Variants in SEMA5B observed in about 807,000 individuals in gnomAD.
SEMA5B encodes semaphorin 5B.
SEMA5B carries 66 observed loss-of-function variants against 135.0 expected under a neutral mutation model. That is an observed-to-expected ratio of 0.49 (90% CI 0.40 to 0.60). The LOEUF is 0.60. Ranked by LOEUF, SEMA5B falls within the 20% of genes least tolerant of loss-of-function variation. SEMA5B has a pLI of 0.00. For missense variants in SEMA5B, 1,501 were observed against 1,566.3 expected, an observed-to-expected ratio of 0.96 and a Z score of 0.70; for synonymous variants, 690 against 639.5, an observed-to-expected ratio of 1.08 and a Z score of -1.19.
At chr3:122,973,947 C>A (rs994971402) in intron 1 of SEMA5B, among the ~76,000 whole-genome samples, 1 of 152,254 alleles carries the variant, frequency 6.6e-6, no homozygotes, top group South Asian at 2.1e-4. Context: ...GATGCCTGAA[C>A]TTCCAGAACA....
chr3:122,986,913 A>G (rs559906361), intron 1 of SEMA5B, among the ~76,000 whole-genome samples: 33 of 152,270 alleles, frequency 2.2e-4, no homozygotes, highest in African/African-American at 7.7e-4. Context: ...CCCGGCCGTG[A>G]GCTAGCAGGC....
In SEMA5B at chr3:122,948,439, A is replaced by C. The variant is rs1186143997; in HGVS notation, c.328+67T>G. On this transcript the variant is annotated intron_variant, in intron 3 of 22. Transcript: ENST00000357599. ...TCCAACAGCCAGAAACATCCTGCCA[A>C]GGTCTGACCTAAGTCCTTCAGGACA... The C allele has an allele frequency of 2.2e-6, 3 of 1,379,348 alleles. No individual in the cohort carries two copies. In the Admixed American group the frequency reaches 6.2e-5, roughly 28 times the overall value. The allele number at this position is 1,379,348 out of a possible 1,614,324, so 85.4% of individuals were successfully genotyped here. A position where few individuals can be genotyped will look rare whatever the true frequency, so the allele number is the denominator to read the frequency against.
intron 4 of SEMA5B, among the ~76,000 whole-genome samples, chr3:122,940,804 C>T (rs543017774): frequency 6.6e-6 from 1 of 152,218 alleles, no homozygotes; most frequent in East Asian, 1.9e-4. Context: ...CTTCTCCAAC[C>T]CCCTCCCCAA....
rs1490981017 is a variant in SEMA5B at position 122,922,926 on chromosome 3, G to A, written c.1273-479C>T. On this transcript the variant is annotated intron_variant, in intron 10 of 22. Transcript: ENST00000357599. The stretch of plus-strand genomic sequence containing the variant: ...GGCATATGAACCTTCTCACATATCT[G>A]TGAGGTATTATCTCTTACAGTATTA... 9.2e-5 allele frequency among the ~76,000 whole-genome samples: 14 copies of A among 152,180 alleles called. 1 individual carries two copies. Among genetic ancestry groups the A allele is most frequent in the Admixed American group, 8.5e-4 (13 of 15,288 alleles).
chr3:123,006,733 C>T (rs575792957), intron 1 of SEMA5B, among the ~76,000 whole-genome samples: 13 of 152,222 alleles, frequency 8.5e-5, no homozygotes, highest in Admixed American at 2.6e-4. Flanking sequence ...TGTTGAGCAA[C>T]GGCCAGGCCT....
rs143089303 is a variant in SEMA5B at position 123,023,992 on chromosome 3, T to C, written c.-39+3472A>G. ...CTGTCTACTGCCAGGGTATAGGTGG[T>C]GGGGCACCAGAACTCAGCTCTGGGT... On this transcript the variant is annotated intron_variant, in intron 1 of 22. Coordinates refer to ENST00000357599, the MANE Select transcript of SEMA5B (RefSeq NM_001031702.4). Among the ~76,000 whole-genome samples the C allele has an allele frequency of 3.0e-4, 46 of 152,286 alleles. No homozygotes were observed. The East Asian group carries it at 5.8e-3, about 19-fold the overall frequency.
chr3:122,936,059 T>G (rs1336254370), intron 5 of SEMA5B, among the ~76,000 whole-genome samples: 2 of 152,174 alleles, frequency 1.3e-5, no homozygotes, highest in Admixed American at 1.3e-4. Flanking sequence ...TCATTCTCTC[T>G]GTTGTTGTGA....
intron 4 of SEMA5B, among the ~76,000 whole-genome samples, chr3:122,942,772 C>T (rs897466768): frequency 6.6e-6 from 1 of 152,184 alleles, no homozygotes; most frequent in Non-Finnish European, 1.5e-5. Context: ...CAAGAATCTG[C>T]ATTTCCAACA....
chr3:122,989,831 AGAG>A (rs1328903634), intron 1 of SEMA5B, among the ~76,000 whole-genome samples: 5 of 152,158 alleles, frequency 3.3e-5, no homozygotes, highest in African/African-American at 9.7e-5. Context: ...GGTCAGAAAA[AGAG>A]GAGAAGGGTG....
chr3:122,976,734 A>T, intron 1 of SEMA5B, among the ~76,000 whole-genome samples: 1 of 152,144 alleles, frequency 6.6e-6, no homozygotes, highest in South Asian at 2.1e-4. Context: ...TATACATCAC[A>T]CAAACACATC....
At chr3:122,982,328 T>C (rs1370499656) in intron 1 of SEMA5B, among the ~76,000 whole-genome samples, 2 of 152,184 alleles carry the variant, frequency 1.3e-5, no homozygotes, top group Non-Finnish European at 2.9e-5. Context: ...TGCTAAATAA[T>C]TCATAAACAC....
chr3:122,936,128 G>T (rs9838602), intron 5 of SEMA5B, among the ~76,000 whole-genome samples: 62,366 of 151,994 alleles, frequency 0.41, 14,015 homozygotes, highest in Non-Finnish European at 0.51. Context: ...GGGGTGGAGA[G>T]AGACGTGTCT....
rs138776027 is a variant in SEMA5B, at chr3:123,008,773, AG to A, written c.-39+18690del. Among the ~76,000 whole-genome samples, 9 of 152,266 alleles carry A rather than the reference AG, an allele frequency of 5.9e-5. No homozygotes were observed. The East Asian group carries it at 1.5e-3, about 26-fold the overall frequency. Reference sequence around the variant, plus strand: ...GACCAAATTGGGCCCATTTGAAGACAGGGGGAGAGAGGCATGGCTATCCAAG... The same window carrying A: ...GACCAAATTGGGCCCATTTGAAGACAGGGGAGAGAGGCATGGCTATCCAAG... On this transcript the variant is annotated intron_variant, in intron 1 of 22. Coordinates refer to ENST00000357599, the MANE Select transcript of SEMA5B (RefSeq NM_001031702.4).
chr3:123,026,252 C>G lies in SEMA5B; in HGVS notation c.-39+1212G>C, dbSNP rs956985392. Among the ~76,000 whole-genome samples, 4 of 152,218 alleles carry G rather than the reference C, an allele frequency of 2.6e-5. No homozygotes were observed. The East Asian group carries it at 5.8e-4, about 22-fold the overall frequency. ...AACCCTCAGTCCCAATTCCGTTGGC[C>G]GGGAAGGAGTGCATGCCAGGGTAGC... On this transcript the variant is annotated intron_variant, in intron 1 of 22. Coordinates refer to ENST00000357599, the MANE Select transcript of SEMA5B (RefSeq NM_001031702.4).
chr3:122,945,254 C>T (rs1358369416), intron 3 of SEMA5B, among the ~76,000 whole-genome samples: 1 of 152,108 alleles, frequency 6.6e-6, no homozygotes, highest in African/African-American at 2.4e-5. Context: ...TGCCTTTGCC[C>T]CCAGCAGGTG....
chr3:122,936,431 G>A (rs149334104), intron 5 of SEMA5B, among the ~76,000 whole-genome samples: 2 of 152,286 alleles, frequency 1.3e-5, no homozygotes, highest in African/African-American at 4.8e-5. Context: ...AGATAAACTG[G>A]AAGAGAGCTC....
At chr3:122,936,912 G>A (rs914703120) in intron 5 of SEMA5B, among the ~76,000 whole-genome samples, 5 of 152,208 alleles carry the variant, frequency 3.3e-5, no homozygotes, top group Non-Finnish European at 7.4e-5. Flanking sequence ...TACATAAATT[G>A]TTTAATAGGG....
chr3:123,014,549 A>G (rs955375627), intron 1 of SEMA5B, among the ~76,000 whole-genome samples: 2 of 152,246 alleles, frequency 1.3e-5, no homozygotes, highest in African/African-American at 4.8e-5. Flanking sequence ...GGGGCTTAGC[A>G]ATGGATCCTG....
chr3:123,023,313 C>CTATTTCCA (rs1942730928), intron 1 of SEMA5B, among the ~76,000 whole-genome samples: 1 of 144,804 alleles, frequency 6.9e-6, no homozygotes. Context: ...TTAGAAGTAA[C>CTATTTCCA]TATTTCCAGC....
Sources: allele counts gnomAD v4.1 joint callset (sites outside exome capture counted in the v4.1 genomes callset), GRCh38; gene constraint gnomAD v4.1.1; transcripts MANE v1.5; gene names NCBI Gene and HGNC (gene_info 2026-07-23, HGNC 2026-07-21).